NCKAP5: variants seen among roughly 807,000 people sequenced by gnomAD.
The protein encoded by NCKAP5 is nck-associated protein 5.
NCKAP5 carries 92 observed loss-of-function variants against 167.0 expected under a neutral mutation model. The observed-to-expected ratio is 0.55, with a 90% CI of 0.47 to 0.66. The LOEUF (loss-of-function observed/expected upper bound fraction) is 0.66, where lower values mean the gene tolerates loss of function less well. NCKAP5 is among the 30% of genes least tolerant of loss of function. The pLI is 0.00. For missense variants in NCKAP5, 2,378 were observed against 2,315.0 expected (o/e 1.03, Z -0.56); for synonymous variants, 891 against 877.4 (o/e 1.02, Z -0.27).
intron 3 of NCKAP5, among the ~76,000 whole-genome samples, chr2:133,395,672 G>A (rs575700380): frequency 1.2e-4 from 19 of 152,148 alleles, no homozygotes; most frequent in South Asian, 1.0e-3. Flanking sequence ...TAGAGACAGG[G>A]TTTCTCTCCG....
At chr2:133,545,595 G>A (rs1345778836) in intron 2 of NCKAP5, among the ~76,000 whole-genome samples, 1 of 152,038 alleles carries the variant, frequency 6.6e-6, no homozygotes, top group Non-Finnish European at 1.5e-5. Context: ...TACCTCAGTG[G>A]TTACCGCACC....
In NCKAP5 at chr2:132,672,523, C is replaced by A. The variant is rs1683876010; in HGVS notation, c.*766G>T. On this transcript the variant is annotated 3_prime_UTR_variant, in exon 20 of 20. Transcript: ENST00000409261. Reference sequence around the variant, plus strand: ...TTTGTGAGATGGAGATGAGGAGGAACCCTCCGATTTTTTGGCAGGCCCTGT... The same window carrying A: ...TTTGTGAGATGGAGATGAGGAGGAAACCTCCGATTTTTTGGCAGGCCCTGT... The A allele has an allele frequency of 6.6e-6, 1 of 152,282 alleles. No individual in the cohort carries two copies. Among genetic ancestry groups the A allele is most frequent in the Non-Finnish European group, 1.5e-5 (1 of 68,040 alleles). The allele number at this position is 152,282 out of a possible 1,614,324, so 9.4% of individuals were successfully genotyped here. A position where few individuals can be genotyped will look rare whatever the true frequency, so the allele number is the denominator to read the frequency against.
At chr2:133,387,062 T>C (rs1216313536) in intron 3 of NCKAP5, among the ~76,000 whole-genome samples, 2 of 152,182 alleles carry the variant, frequency 1.3e-5, no homozygotes, top group African/African-American at 2.4e-5. Flanking sequence ...GTTAATATAG[T>C]TATGTGTGAA....
In NCKAP5 at chr2:132,815,492, A is replaced by G. The variant is rs140148663; in HGVS notation, c.808-18763T>C. Among the ~76,000 whole-genome samples, 215 of 152,274 alleles carry G rather than the reference A, an allele frequency of 1.4e-3. 1 individual carries two copies. The highest frequency in any genetic ancestry group is 4.9e-3 in the African/African-American group (204 of 41,554). On this transcript the variant is annotated intron_variant, in intron 11 of 19. Coordinates refer to ENST00000409261, the MANE Select transcript of NCKAP5 (RefSeq NM_207363.3). Reference sequence around the variant, plus strand: ...AGACTACAAATATTGCTCCTCAAATACCCCATGTTAATAATTCCAGGGGTT... The same window carrying G: ...AGACTACAAATATTGCTCCTCAAATGCCCCATGTTAATAATTCCAGGGGTT...
At chr2:133,532,216 TA>T (rs1473678071) in intron 2 of NCKAP5, among the ~76,000 whole-genome samples, 3 of 152,250 alleles carry the variant, frequency 2.0e-5, no homozygotes, top group Non-Finnish European at 2.9e-5. Flanking sequence ...TGAATGGACT[TA>T]AAACGGTTTA....
chr2:133,224,917 T>G (rs553268059), intron 4 of NCKAP5, among the ~76,000 whole-genome samples: 1 of 152,190 alleles, frequency 6.6e-6, no homozygotes, highest in Non-Finnish European at 1.5e-5. Flanking sequence ...GAAGAAACAC[T>G]TAATTTCTTA....
intron 10 of NCKAP5, among the ~76,000 whole-genome samples, chr2:132,868,656 ATTTACT>A (rs1031490919): frequency 9.2e-5 from 14 of 152,174 alleles, no homozygotes; most frequent in African/African-American, 3.4e-4. Context: ...GCAAGTTTGT[ATTTACT>A]AAATAAAAAT....
chr2:133,415,837 C>G lies in NCKAP5; in HGVS notation c.69+101621G>C, dbSNP rs116340150. On this transcript the variant is annotated intron_variant, in intron 3 of 19. Transcript: ENST00000409261. ...TCTCTTTCCATTTTTTGAAATGATA[C>G]ATTTATTTTGAATAGCTGTAGAGTT... Among the ~76,000 whole-genome samples the G allele has an allele frequency of 4.0e-3, 608 of 152,234 alleles. 6 individuals are homozygous for G. The highest frequency in any genetic ancestry group is 0.014 in the African/African-American group (587 of 41,518).
chr2:132,892,463 T>A (rs73956077), intron 8 of NCKAP5, among the ~76,000 whole-genome samples: 2,563 of 152,240 alleles, frequency 0.017, 75 homozygotes, highest in African/African-American at 0.059. Context: ...GATACAAATC[T>A]ATGACTTTCA....
At position 133,269,933 on chromosome 2, in the gene NCKAP5, G is replaced by A. The variant is rs553128058; in HGVS notation, c.143+33104C>T. On this transcript the variant is annotated intron_variant, in intron 4 of 19. Transcript: ENST00000409261. ...AATGAGTGGCTCGAAAGAAAAGAGG[G>A]AGTAAAGAGTAACTCCAAGCATTTG... Among the ~76,000 whole-genome samples the A allele has an allele frequency of 9.2e-5, 14 of 152,298 alleles. No individual in the cohort carries two copies. In the South Asian group the frequency reaches 2.9e-3, roughly 32 times the overall value.
intron 15 of NCKAP5, among the ~76,000 whole-genome samples, chr2:132,775,796 A>T (rs1682498871): frequency 6.6e-6 from 1 of 152,180 alleles, no homozygotes; most frequent in South Asian, 2.1e-4. Flanking sequence ...CAAGGAAATC[A>T]TATTTTCAGT....
intron 3 of NCKAP5, among the ~76,000 whole-genome samples, chr2:133,405,437 AC>A (rs1688363064): frequency 6.6e-6 from 1 of 152,214 alleles, no homozygotes; most frequent in Admixed American, 6.5e-5. Flanking sequence ...AACCAAAAGC[AC>A]AAAAATGTGA....
At chr2:132,857,099 G>C (rs1689530226) in intron 11 of NCKAP5, among the ~76,000 whole-genome samples, 1 of 152,048 alleles carries the variant, frequency 6.6e-6, no homozygotes, top group African/African-American at 2.4e-5. Flanking sequence ...TATGTATTTG[G>C]TAAGTGACAT....
rs78533172 is a variant in NCKAP5, at chr2:133,424,058, G to A, written c.69+93400C>T. Among the ~76,000 whole-genome samples, 850 of 152,312 alleles carry A rather than the reference G, an allele frequency of 5.6e-3. 29 individuals are homozygous for A. Among genetic ancestry groups the A allele is most frequent in the Admixed American group, 0.044 (678 of 15,302 alleles). ...TATAGATAGAGAACTTGAAGCCACAGTTAATTTAATGTGACCCTGGGCAAG... is the reference window on the plus strand; with the variant it reads ...TATAGATAGAGAACTTGAAGCCACAATTAATTTAATGTGACCCTGGGCAAG... On this transcript the variant is annotated intron_variant, in intron 3 of 19. Transcript: ENST00000409261.
At chr2:133,665,705 C>A in the NCKAP5 span, among the ~76,000 whole-genome samples, 1 of 136,592 alleles carries the variant, frequency 7.3e-6, no homozygotes, top group South Asian at 2.5e-4. Context: ...AAGTCTTCAA[C>A]TGGGAAAAAA....
At chr2:133,355,538 G>A (rs1684650748) in intron 3 of NCKAP5, among the ~76,000 whole-genome samples, 1 of 152,060 alleles carries the variant, frequency 6.6e-6, no homozygotes, top group South Asian at 2.1e-4. Context: ...TTTTGGGTTT[G>A]CATTCTGAGT....
intron 8 of NCKAP5, among the ~76,000 whole-genome samples, chr2:132,912,725 A>G (rs1019497392): frequency 6.6e-6 from 1 of 152,184 alleles, no homozygotes; most frequent in Non-Finnish European, 1.5e-5. Flanking sequence ...AGAATTTATC[A>G]GATGCTCTGC....
intron 4 of NCKAP5, among the ~76,000 whole-genome samples, chr2:133,278,899 C>G (rs1173748902): frequency 6.6e-6 from 1 of 151,442 alleles, no homozygotes; most frequent in Non-Finnish European, 1.5e-5. Flanking sequence ...GGCCTTTAAA[C>G]ATAGGAAGAG....
chr2:133,546,853 A>G (rs575402913), intron 2 of NCKAP5, among the ~76,000 whole-genome samples: 1 of 152,282 alleles, frequency 6.6e-6, no homozygotes, highest in South Asian at 2.1e-4. Context: ...CAATGCTTCA[A>G]AAGATTGAGA....
Sources: allele counts gnomAD v4.1 joint callset (sites outside exome capture counted in the v4.1 genomes callset), GRCh38; gene constraint gnomAD v4.1.1; transcripts MANE v1.5; gene names NCBI Gene and HGNC (gene_info 2026-07-23, HGNC 2026-07-21).